The following DENND3 variants were observed in gnomAD, a reference collection of about 807,000 sequenced individuals.
DENND3 encodes the protein DENN domain containing 3.
Under a neutral mutation model 135.1 loss-of-function variants are expected in DENND3, and 88 were observed. The ratio of observed to expected loss-of-function variants is 0.65; its 90% CI spans 0.55 to 0.78. The LOEUF (loss-of-function observed/expected upper bound fraction) is 0.78, where lower values mean the gene tolerates loss of function less well. Ranked by LOEUF, DENND3 falls within the 30% of genes least tolerant of loss-of-function variation. The pLI, the probability that DENND3 is intolerant of heterozygous loss-of-function variation, is 0.00. For synonymous variants in DENND3, 693 were observed against 712.3 expected (o/e 0.97, Z 0.43); for missense variants, 1,392 against 1,688.4 (o/e 0.82, Z 3.08).
rs1250250277 is a variant in DENND3 at position 141,160,625 on chromosome 8, C to T, written c.1197-7C>T. On this transcript the variant is annotated splice_region_variant and splice_polypyrimidine_tract_variant and intron_variant, in intron 8 of 22. Transcript: ENST00000519811. Reference sequence around the variant, plus strand: ...GGCTGAGCTAGCTTCGGTCTGCCTCCTTCCAGGGTGCAGAGCCTCCAGCTC... The same window carrying T: ...GGCTGAGCTAGCTTCGGTCTGCCTCTTTCCAGGGTGCAGAGCCTCCAGCTC... 2 of 1,591,662 alleles carry T rather than the reference C, an allele frequency of 1.3e-6. No homozygotes were observed. Among genetic ancestry groups the T allele is most frequent in the Non-Finnish European group, 1.7e-6 (2 of 1,163,474 alleles).
rs1428947725 is a variant in DENND3 at position 141,175,618 on chromosome 8, G to A, written c.2535+159G>A. 1 of 1,124,166 alleles carries A rather than the reference G, an allele frequency of 8.9e-7. No homozygotes were observed. The highest frequency in any genetic ancestry group is 2.0e-5 in the Admixed American group (1 of 50,996). 69.6% of individuals were successfully genotyped at this position (1,124,166 alleles called of 1,614,324 possible). A position where few individuals can be genotyped will look rare whatever the true frequency, so the allele number is the denominator to read the frequency against. ...GTCCCTCAGTTTGCTCATCTGTAAAGTAGGAATAAGGCTGATACCTTCTCA... is the reference window on the plus strand; with the variant it reads ...GTCCCTCAGTTTGCTCATCTGTAAAATAGGAATAAGGCTGATACCTTCTCA... On this transcript the variant is annotated intron_variant, in intron 14 of 22. Transcript: ENST00000519811. This position sits in a 1 kb window ranked among gnomAD's most constrained non-coding sequence, Gnocchi z 5.4.
In DENND3 at chr8:141,156,075, T is replaced by C. The variant is rs1169178367; in HGVS notation, c.1196+105T>C. ...AATTTTATATAACTGATAGATGTTT[T>C]ATATATTATAGTTTGGAAATTATTT... is the stretch of plus-strand genomic sequence containing the variant. On this transcript the variant is annotated intron_variant, in intron 8 of 22. Coordinates refer to ENST00000519811, the MANE Select transcript of DENND3 (RefSeq NM_001352890.3). The C allele has an allele frequency of 3.6e-6, 5 of 1,386,280 alleles. No individual in the cohort carries two copies. In the African/African-American group the frequency reaches 7.4e-5, roughly 20 times the overall value. 85.9% of individuals were successfully genotyped at this position (1,386,280 alleles called of 1,614,324 possible).
chr8:141,161,324 C>T (rs370470593), intron 9 of DENND3, among the ~76,000 whole-genome samples: 7 of 152,188 alleles, frequency 4.6e-5, no homozygotes, highest in East Asian at 3.8e-4. Flanking sequence ...AGCCACAGGA[C>T]GGGTGGGGCA....
rs753470395 is a variant in DENND3, at chr8:141,141,123, T to G, written c.502-80T>G. 1 of 1,605,500 alleles carries G rather than the reference T, an allele frequency of 6.2e-7. No homozygotes were observed. Among genetic ancestry groups the G allele is most frequent in the Non-Finnish European group, 8.5e-7 (1 of 1,175,468 alleles). On this transcript the variant is annotated intron_variant, in intron 3 of 22. Coordinates refer to ENST00000519811, the MANE Select transcript of DENND3 (RefSeq NM_001352890.3). This position sits in a 1 kb window ranked among gnomAD's most constrained non-coding sequence, Gnocchi z 5.3. The stretch of plus-strand genomic sequence containing the variant: ...GGTGGACTCTCAGCTTGCTGTGTGC[T>G]GAAACGTGACCCAGTTGGAAACAGA...
intron 16 of DENND3, 60 bp from the exon 17 acceptor site, chr8:141,180,687 T>TG: frequency 6.8e-7 from 1 of 1,474,442 alleles, no homozygotes; most frequent in East Asian, 2.3e-5. Flanking sequence ...GTGAGGCCGT[T>TG]GCATCGCGTC....
Position 141,175,278 on chromosome 8 carries a change from A to G in DENND3, c.2354A>G (p.Glu785Gly), listed in dbSNP as rs200559165. 1 of 1,614,258 alleles carries G rather than the reference A, an allele frequency of 6.2e-7. No homozygotes were observed. Among genetic ancestry groups the G allele is most frequent in the East Asian group, 2.2e-5 (1 of 44,892 alleles). ...AAGGAGACGGAAGCAGAAGCCCAGG[A>G]GGTCAGTCTGCCGTGGCTGGTGATG... ...CWKETEAEAQEVSLPWLVMEH... is the reference protein window; with the variant it reads ...CWKETEAEAQGVSLPWLVMEH... Residue 785 changes from glutamate (E) to glycine (G), a missense_variant, in exon 14 of 23, where the codon GAG (glutamate) becomes GGG (glycine). Glu to Gly is a moderately conservative substitution (Grantham distance 98). Coordinates refer to ENST00000519811, the MANE Select transcript of DENND3 (RefSeq NM_001352890.3). This position sits in a 1 kb window ranked among gnomAD's most constrained non-coding sequence, Gnocchi z 5.4.
At chr8:141,188,917 A>G in intron 18 of DENND3, 69 bp from the exon 19 acceptor site, 1 of 1,557,282 alleles carries the variant, frequency 6.4e-7, no homozygotes, top group Non-Finnish European at 8.7e-7. Flanking sequence ...CGTGCAGTAA[A>G]TGTATAGAAT....
At chr8:141,150,768 A>G (rs1041054959) in intron 5 of DENND3, 66 bp from the exon 6 acceptor site, 1 of 1,497,590 alleles carries the variant, frequency 6.7e-7, no homozygotes, top group Non-Finnish European at 8.9e-7. Context: ...AAATAGTGAC[A>G]GTAGTGCACG....
intron 13 of DENND3, among the ~76,000 whole-genome samples, chr8:141,172,689 C>T (rs1483012705): frequency 6.6e-6 from 1 of 152,202 alleles, no homozygotes; most frequent in Admixed American, 6.5e-5. Flanking sequence ...TGGGCCTCTC[C>T]TCGCCTGGCC....
At chr8:141,142,503 C>T (rs1248605421) in intron 4 of DENND3, 1 of 411,066 alleles carries the variant, frequency 2.4e-6, no homozygotes, top group Non-Finnish European at 4.9e-6. Flanking sequence ...ATTCAAATCC[C>T]AGCACTTTAG....
intron 16 of DENND3, among the ~76,000 whole-genome samples, chr8:141,180,416 C>A (rs1251877152): frequency 2.0e-5 from 3 of 152,156 alleles, no homozygotes; most frequent in Non-Finnish European, 4.4e-5. Flanking sequence ...TTGGGTGTAG[C>A]TAGAGATCAC....
chr8:141,172,221 G>T lies in DENND3; in HGVS notation c.2276-2979G>T, dbSNP rs535588103. On this transcript the variant is annotated intron_variant, in intron 13 of 22. Coordinates refer to ENST00000519811, the MANE Select transcript of DENND3 (RefSeq NM_001352890.3). Reference sequence around the variant, plus strand: ...GTGTGCACAGTGGATGTGCACAGTGGCCGTGGGTGTGCACAGTGTCTGTGG... The same window carrying T: ...GTGTGCACAGTGGATGTGCACAGTGTCCGTGGGTGTGCACAGTGTCTGTGG... Among the ~76,000 whole-genome samples the T allele has an allele frequency of 3.1e-3, 457 of 149,308 alleles. 1 individual carries two copies. The highest frequency in any genetic ancestry group is 0.011 in the African/African-American group (448 of 40,586).
At chr8:141,183,737 T>TG (rs1823495676) in intron 17 of DENND3, among the ~76,000 whole-genome samples, 3 of 116,754 alleles carry the variant, frequency 2.6e-5, no homozygotes, top group African/African-American at 1.1e-4. Flanking sequence ...TTTTGTTTTG[T>TG]TTTTTTTTTT....
intron 16 of DENND3, among the ~76,000 whole-genome samples, chr8:141,179,884 C>T (rs983386047): frequency 2.0e-5 from 3 of 152,188 alleles, no homozygotes; most frequent in African/African-American, 2.4e-5. Flanking sequence ...AGGCCCTGGA[C>T]GGCAGGGACT....
At chr8:141,136,124 G>T (rs1331760563) in intron 1 of DENND3, among the ~76,000 whole-genome samples, 1 of 152,222 alleles carries the variant, frequency 6.6e-6, no homozygotes, top group Non-Finnish European at 1.5e-5. Context: ...GTTATTCCCT[G>T]TACTCGCCGC....
chr8:141,150,683 TG>T, intron 5 of DENND3, 150 bp from the exon 6 acceptor site: 1 of 993,716 alleles, frequency 1.0e-6, no homozygotes, highest in Non-Finnish European at 1.4e-6. Flanking sequence ...CTAGACCGTT[TG>T]GTTATTCTGC....
intron 8 of DENND3, among the ~76,000 whole-genome samples, chr8:141,156,875 T>G (rs1409511347): frequency 7.0e-6 from 1 of 143,474 alleles, no homozygotes; most frequent in Non-Finnish European, 1.5e-5. Context: ...CACTGCAACC[T>G]CTGCCTTCTG....
rs1461883932 is a variant in DENND3, at chr8:141,154,665, C to T, written c.1075-1184C>T. 1.3e-5 allele frequency among the ~76,000 whole-genome samples: 2 copies of T among 151,784 alleles called. No homozygotes were observed. The highest frequency in any genetic ancestry group is 4.8e-5 in the African/African-American group (2 of 41,284). On this transcript the variant is annotated intron_variant, in intron 7 of 22. Coordinates refer to ENST00000519811, the MANE Select transcript of DENND3 (RefSeq NM_001352890.3). The surrounding 1 kb of genome is among the most constrained non-coding windows in gnomAD (Gnocchi z 4.4). Reference sequence around the variant, plus strand: ...GCAACCTCCGCCTCCTGGGTTCAAGCGATTCTCCTGCCTCAGCCTCCTGAG... The same window carrying T: ...GCAACCTCCGCCTCCTGGGTTCAAGTGATTCTCCTGCCTCAGCCTCCTGAG...
Position 141,155,838 on chromosome 8 carries a change from T to C in DENND3, c.1075-11T>C. The C allele has an allele frequency of 6.3e-7, 1 of 1,579,394 alleles. No individual in the cohort carries two copies. Among genetic ancestry groups the C allele is most frequent in the Non-Finnish European group, 8.6e-7 (1 of 1,162,930 alleles). On this transcript the variant is annotated splice_polypyrimidine_tract_variant and intron_variant, in intron 7 of 22. Coordinates refer to ENST00000519811, the MANE Select transcript of DENND3 (RefSeq NM_001352890.3). ...TTTATCAATCTTTACAGATGATTCC[T>C]TGTTTTCTAGGAAGCCGACGGTTTA...
Sources: gnomAD v4.1 joint callset for allele counts (sites outside exome capture counted in the v4.1 genomes callset) on GRCh38, gnomAD v4.1.1 for gene constraint, Gnocchi (gnomAD v3.1) non-coding constraint, MANE v1.5 for transcripts, NCBI Gene and HGNC (gene_info 2026-07-23, HGNC 2026-07-21) for gene names.